Variants in SHOC2 observed in about 807,000 individuals in gnomAD.
The protein encoded by SHOC2 is SHOC2 leucine rich repeat scaffold protein, also known as leucine-rich repeat protein SHOC-2.
Under a neutral mutation model 50.2 loss-of-function variants are expected in SHOC2, and 4 were observed. The ratio of observed to expected loss-of-function variants is 0.08; its 90% CI spans 0.04 to 0.18. The LOEUF (loss-of-function observed/expected upper bound fraction) is 0.18, where lower values mean the gene tolerates loss of function less well. SHOC2 is among the 10% of genes least tolerant of loss of function. The probability of loss-of-function intolerance (pLI) is 1.00; values close to 1 mark genes in which losing one functional copy is unlikely to be tolerated. For missense variants in SHOC2, 388 were observed against 669.6 expected, an observed-to-expected ratio of 0.58 and a Z score of 4.64; for synonymous variants, 218 against 244.5, an observed-to-expected ratio of 0.89 and a Z score of 1.01.
In SHOC2 at chr10:110,958,228, T is replaced by G. The variant is rs945283453; in HGVS notation, c.-234-5897T>G. Among the ~76,000 whole-genome samples, 3 of 151,864 alleles carry G rather than the reference T, an allele frequency of 2.0e-5. No homozygotes were observed. The East Asian group carries it at 5.8e-4, about 29-fold the overall frequency. ...CATCCATTTCTTTCTTTCTTTTTTT[T>G]TTTTTAAGACGGAGTCTTGCTCTGT... is the stretch of plus-strand genomic sequence containing the variant. On this transcript the variant is annotated intron_variant, in intron 1 of 8. Coordinates refer to ENST00000369452, the MANE Select transcript of SHOC2 (RefSeq NM_007373.4).
chr10:110,974,877 T>C (rs1847847423), intron 2 of SHOC2, among the ~76,000 whole-genome samples: 1 of 152,194 alleles, frequency 6.6e-6, no homozygotes, highest in African/African-American at 2.4e-5. Context: ...ATTGATACTA[T>C]TTTGCTTTAA....
intron 3 of SHOC2, among the ~76,000 whole-genome samples, chr10:110,993,792 G>A (rs1402131497): frequency 6.6e-6 from 1 of 152,154 alleles, no homozygotes; most frequent in Non-Finnish European, 1.5e-5. Context: ...AGGCTTTTGA[G>A]TTGACAAACA....
intron 1 of SHOC2, among the ~76,000 whole-genome samples, chr10:110,922,238 G>A (rs1846667823): frequency 6.6e-6 from 1 of 152,050 alleles, no homozygotes; most frequent in South Asian, 2.1e-4. Flanking sequence ...GACATAAACT[G>A]GAATTCTATG....
At chr10:110,942,492 C>T (rs1266794515) in intron 1 of SHOC2, among the ~76,000 whole-genome samples, 1 of 152,134 alleles carries the variant, frequency 6.6e-6, no homozygotes, top group East Asian at 1.9e-4. Context: ...GGATTATAGG[C>T]ATGAGCCACT....
chr10:110,995,784 G>C (rs1848258089), intron 3 of SHOC2, among the ~76,000 whole-genome samples: 1 of 152,038 alleles, frequency 6.6e-6, no homozygotes, highest in Non-Finnish European at 1.5e-5. Flanking sequence ...TCTCTTTATG[G>C]AGAAGATGAC....
intron 2 of SHOC2, among the ~76,000 whole-genome samples, chr10:110,974,382 A>G (rs953335969): frequency 2.6e-5 from 4 of 152,052 alleles, no homozygotes; most frequent in Non-Finnish European, 4.4e-5. Flanking sequence ...TGAAAAGACT[A>G]TATTCTGTTG....
At chr10:110,969,292 C>T (rs1357438308) in intron 2 of SHOC2, among the ~76,000 whole-genome samples, 1 of 152,158 alleles carries the variant, frequency 6.6e-6, no homozygotes, top group Non-Finnish European at 1.5e-5. Flanking sequence ...AGACTCTTCA[C>T]TCTATACAAA....
chr10:110,996,105 G>A (rs1360777560), intron 3 of SHOC2, among the ~76,000 whole-genome samples: 1 of 152,164 alleles, frequency 6.6e-6, no homozygotes, highest in Non-Finnish European at 1.5e-5. Context: ...GTCTTGTGTG[G>A]CACTATGCAA....
At chr10:110,994,727 G>C (rs527806200) in intron 3 of SHOC2, among the ~76,000 whole-genome samples, 12 of 152,242 alleles carry the variant, frequency 7.9e-5, no homozygotes, top group African/African-American at 2.9e-4. Context: ...AGTGTTTAGA[G>C]ACAGGTCTCA....
chr10:110,920,589 G>A (rs184381364), intron 1 of SHOC2, among the ~76,000 whole-genome samples: 1 of 152,004 alleles, frequency 6.6e-6, no homozygotes, highest in South Asian at 2.1e-4. Context: ...GTGGAATTAT[G>A]GATTTACAAA....
intron 1 of SHOC2, among the ~76,000 whole-genome samples, chr10:110,960,736 C>T (rs1169067573): frequency 6.6e-6 from 1 of 152,166 alleles, no homozygotes; most frequent in African/African-American, 2.4e-5. Context: ...AGTGCAGTGG[C>T]ACAATCTCAG....
At chr10:111,008,737 C>G (rs1177110721) in intron 6 of SHOC2, among the ~76,000 whole-genome samples, 1 of 152,072 alleles carries the variant, frequency 6.6e-6, no homozygotes, top group Non-Finnish European at 1.5e-5. Flanking sequence ...TTTCTCCCAA[C>G]CCAGTATTGT....
chr10:110,930,603 C>T (rs1846873737), intron 1 of SHOC2, among the ~76,000 whole-genome samples: 1 of 151,268 alleles, frequency 6.6e-6, no homozygotes, highest in Admixed American at 6.6e-5. Context: ...ATTAAATAGC[C>T]TTTTTTTTAA....
chr10:110,950,179 A>G (rs1847323578), intron 1 of SHOC2, among the ~76,000 whole-genome samples: 2 of 152,244 alleles, frequency 1.3e-5, no homozygotes, highest in Non-Finnish European at 2.9e-5. Flanking sequence ...GTTAGAATTA[A>G]TAAATGAATT....
intron 4 of SHOC2, among the ~76,000 whole-genome samples, chr10:111,002,779 C>CA (rs11307789): frequency 3.5e-4 from 52 of 148,420 alleles, no homozygotes; most frequent in Middle Eastern, 3.5e-3. Flanking sequence ...CTCATTCTAA[C>CA]AAAAAAAAAA....
intron 2 of SHOC2, among the ~76,000 whole-genome samples, chr10:110,981,739 T>C (rs1847979705): frequency 6.6e-6 from 1 of 152,148 alleles, no homozygotes; most frequent in Non-Finnish European, 1.5e-5. Flanking sequence ...GTAAATAACA[T>C]TGATTGATTT....
At chr10:111,000,341 T>G in intron 3 of SHOC2, 74 bp from the exon 4 acceptor site, 1 of 1,441,210 alleles carries the variant, frequency 6.9e-7, no homozygotes, top group Non-Finnish European at 9.7e-7. Flanking sequence ...AAATAGTTAG[T>G]AGATAGCCTG....
At chr10:110,997,380 G>A (rs1848286766) in intron 3 of SHOC2, among the ~76,000 whole-genome samples, 3 of 152,166 alleles carry the variant, frequency 2.0e-5, no homozygotes, top group African/African-American at 7.2e-5. Flanking sequence ...TAGGAAAAAT[G>A]TAGACAAAAT....
At chr10:110,966,453 G>A (rs1182375278) in intron 2 of SHOC2, among the ~76,000 whole-genome samples, 1 of 151,992 alleles carries the variant, frequency 6.6e-6, no homozygotes, top group East Asian at 1.9e-4. Context: ...ATAGGCAATT[G>A]GAGAAATAAA....
Sources: gnomAD v4.1 joint callset for allele counts (sites outside exome capture counted in the v4.1 genomes callset) on GRCh38, gnomAD v4.1.1 for gene constraint, MANE v1.5 for transcripts, NCBI Gene and HGNC (gene_info 2026-07-23, HGNC 2026-07-21) for gene names.